ARMH3: variants seen among roughly 807,000 people sequenced by gnomAD.
The protein encoded by ARMH3 is armadillo like helical domain containing 3.
In ARMH3, 60 loss-of-function variants were observed where a neutral mutation model predicts 99.1. That is an observed-to-expected ratio of 0.61 (90% CI 0.49 to 0.75). The LOEUF (loss-of-function observed/expected upper bound fraction) is 0.75, where lower values mean the gene tolerates loss of function less well. Ranked by LOEUF, ARMH3 falls within the 30% of genes least tolerant of loss-of-function variation. ARMH3 has a pLI of 0.00. For missense variants in ARMH3, 679 were observed against 843.1 expected, an observed-to-expected ratio of 0.81 and a Z score of 2.41; for synonymous variants, 285 against 292.8, an observed-to-expected ratio of 0.97 and a Z score of 0.27.
At chr10:101,980,710 G>A (rs574145180) in intron 19 of ARMH3, among the ~76,000 whole-genome samples, 14 of 152,100 alleles carry the variant, frequency 9.2e-5, no homozygotes, top group African/African-American at 2.7e-4. Context: ...GACAGCTGAC[G>A]GAATCAAGCT....
intron 23 of ARMH3, among the ~76,000 whole-genome samples, chr10:101,937,674 T>C (rs1242596352): frequency 6.6e-6 from 1 of 152,006 alleles, no homozygotes; most frequent in Non-Finnish European, 1.5e-5. Flanking sequence ...ATACACCCTA[T>C]AGAGTTTGAA....
chr10:101,981,441 T>C (rs145733068), intron 19 of ARMH3, among the ~76,000 whole-genome samples: 8 of 151,418 alleles, frequency 5.3e-5, no homozygotes, highest in Middle Eastern at 6.9e-3. Context: ...CTGGCCAACA[T>C]AGTGATAGCC....
chr10:101,947,990 T>G (rs1189078088), intron 22 of ARMH3, among the ~76,000 whole-genome samples: 1 of 151,956 alleles, frequency 6.6e-6, no homozygotes, highest in African/African-American at 2.4e-5. Context: ...ATGGAATATT[T>G]AAATATATTC....
chr10:101,849,448 G>A (rs551769481), intron 25 of ARMH3, among the ~76,000 whole-genome samples: 25 of 152,296 alleles, frequency 1.6e-4, no homozygotes, highest in Admixed American at 1.5e-3. Context: ...CCATAAGAAG[G>A]GGAAGAATTA....
At chr10:102,012,704 T>G (rs1733530163) in intron 10 of ARMH3, 129 bp downstream of exon 10, 1 of 788,304 alleles carries the variant, frequency 1.3e-6, no homozygotes, top group African/African-American at 1.8e-5. Flanking sequence ...CAAATACATC[T>G]GCCAGGGGCT....
chr10:102,034,362 C>G (rs1421575845), intron 2 of ARMH3, among the ~76,000 whole-genome samples: 2 of 152,100 alleles, frequency 1.3e-5, no homozygotes, highest in Non-Finnish European at 2.9e-5. Flanking sequence ...CCCGGCCAGG[C>G]ACGGTGGCCC....
Position 101,991,847 on chromosome 10 carries a change from AAAAAAC to A in ARMH3, c.1345+116_1345+121del, listed in dbSNP as rs1846811736. Reference sequence around the variant, plus strand: ...AATAAACATGATTCTTAGGCCAGGGAAAAAACACAACTAATAATTTATTTGCGGAAG... The same window carrying A: ...AATAAACATGATTCTTAGGCCAGGGAACAACTAATAATTTATTTGCGGAAG... On this transcript the variant is annotated intron_variant, in intron 18 of 25. Transcript: ENST00000370033. The A allele has an allele frequency of 1.2e-5, 12 of 1,042,164 alleles. No homozygotes were observed. In the East Asian group the frequency reaches 2.9e-4, roughly 25 times the overall value. The allele number at this position is 1,042,164 out of a possible 1,614,324, so 64.6% of individuals were successfully genotyped here.
chr10:101,966,973 GAGAC>G (rs140020151), intron 20 of ARMH3, among the ~76,000 whole-genome samples: 7,476 of 152,246 alleles, frequency 0.049, 198 homozygotes, highest in Middle Eastern at 0.095. Flanking sequence ...AAACAGGAAA[GAGAC>G]AGCCTCCAGG....
At chr10:101,874,239 CAT>C (rs1238274753) in intron 24 of ARMH3, among the ~76,000 whole-genome samples, 7 of 151,954 alleles carry the variant, frequency 4.6e-5, no homozygotes, top group Non-Finnish European at 1.0e-4. Context: ...GTTACATAAA[CAT>C]ATTTTATTAT....
chr10:101,854,151 A>G (rs754091189), intron 24 of ARMH3, among the ~76,000 whole-genome samples: 6 of 151,914 alleles, frequency 3.9e-5, no homozygotes, highest in Non-Finnish European at 5.9e-5. Flanking sequence ...TGGGAGTCCT[A>G]CTCTTGTTAT....
chr10:101,997,965 G>A (rs1847138302), intron 15 of ARMH3, among the ~76,000 whole-genome samples: 1 of 152,056 alleles, frequency 6.6e-6, no homozygotes, highest in Non-Finnish European at 1.5e-5. Context: ...AAGAAAGCTG[G>A]GCCAATAAAG....
chr10:102,033,257 A>C, intron 3 of ARMH3, 26 bp downstream of exon 3: 2 of 1,613,876 alleles, frequency 1.2e-6, no homozygotes, highest in Non-Finnish European at 1.7e-6. Context: ...TTACCAGGAA[A>C]TTCCACAGAT....
At chr10:101,894,743 T>C (rs553018821) in intron 23 of ARMH3, among the ~76,000 whole-genome samples, 4 of 152,152 alleles carry the variant, frequency 2.6e-5, no homozygotes, top group Non-Finnish European at 5.9e-5. Context: ...TCACTTTTAC[T>C]GGTCAAAACC....
At chr10:101,964,948 G>A (rs1293255751) in intron 20 of ARMH3, among the ~76,000 whole-genome samples, 4 of 151,996 alleles carry the variant, frequency 2.6e-5, no homozygotes, top group Admixed American at 6.6e-5. Flanking sequence ...AGAGGCGGAA[G>A]TTGCAGTGAA....
At chr10:101,849,943 C>T (rs769828678) in intron 24 of ARMH3, 51 bp from the exon 25 acceptor site, 3 of 1,530,190 alleles carry the variant, frequency 2.0e-6, no homozygotes, top group Non-Finnish European at 2.7e-6. Flanking sequence ...AATCCCACAA[C>T]CCTGAGCCCC....
intron 22 of ARMH3, among the ~76,000 whole-genome samples, chr10:101,940,483 G>GA (rs1844189950): frequency 6.6e-6 from 1 of 151,898 alleles, no homozygotes; most frequent in Non-Finnish European, 1.5e-5. Flanking sequence ...TTAAGTTCTA[G>GA]GGTACATGTG....
chr10:101,871,239 G>GT (rs1258656690), intron 24 of ARMH3, among the ~76,000 whole-genome samples: 1 of 152,138 alleles, frequency 6.6e-6, no homozygotes, highest in African/African-American at 2.4e-5. Flanking sequence ...TATGAAAACA[G>GT]TATTATTAAA....
chr10:101,849,106 G>C (rs1363687175), intron 25 of ARMH3, among the ~76,000 whole-genome samples: 5 of 152,178 alleles, frequency 3.3e-5, no homozygotes, highest in African/African-American at 1.2e-4. Flanking sequence ...AGGGGAAGTG[G>C]GTACAGAGGC....
chr10:101,931,840 A>G (rs1015886261), intron 23 of ARMH3, among the ~76,000 whole-genome samples: 10 of 152,228 alleles, frequency 6.6e-5, no homozygotes, highest in African/African-American at 1.9e-4. Flanking sequence ...ACCTGATGAC[A>G]TTGGATTTGG....
Sources: gnomAD v4.1 joint callset for allele counts (sites outside exome capture counted in the v4.1 genomes callset) on GRCh38, gnomAD v4.1.1 for gene constraint, MANE v1.5 for transcripts, NCBI Gene and HGNC (gene_info 2026-07-23, HGNC 2026-07-21) for gene names.